Variants in CPLX1 observed in about 807,000 individuals in gnomAD.
The protein encoded by CPLX1 is complexin 1.
Under a neutral mutation model 15.6 loss-of-function variants are expected in CPLX1, and 6 were observed. The ratio of observed to expected loss-of-function variants is 0.39; its 90% CI spans 0.21 to 0.76. The LOEUF (loss-of-function observed/expected upper bound fraction) is 0.76. CPLX1 is among the 30% of genes least tolerant of loss of function. The pLI is 0.43. For missense variants in CPLX1, 242 were observed against 188.6 expected, an observed-to-expected ratio of 1.28 and a Z score of -1.66; for synonymous variants, 91 against 75.2, an observed-to-expected ratio of 1.21 and a Z score of -1.08.
chr4:788,212 C>A, intron 3 of CPLX1: 1 of 985,242 alleles, frequency 1.0e-6, no homozygotes, highest in South Asian at 4.7e-5. Flanking sequence ...TGCTGGGCAC[C>A]CCCTGGATCT....
intron 2 of CPLX1, among the ~76,000 whole-genome samples, chr4:799,180 C>T (rs1417140496): frequency 2.0e-5 from 3 of 152,212 alleles, no homozygotes; most frequent in Non-Finnish European, 4.4e-5. Flanking sequence ...CATAAGCCCT[C>T]ATTTCAGAAG....
intron 2 of CPLX1, among the ~76,000 whole-genome samples, chr4:797,854 C>G (rs183167940): frequency 6.6e-6 from 1 of 151,778 alleles, no homozygotes; most frequent in Non-Finnish European, 1.5e-5. Context: ...GGTGTGAACC[C>G]GGGAGGCGGA....
At chr4:804,843 G>C (rs1237779899) in intron 2 of CPLX1, 1 of 982,532 alleles carries the variant, frequency 1.0e-6, no homozygotes. Context: ...GGGGAGCGAC[G>C]TGCTCAGCCT....
rs1295937050 is a variant in CPLX1, at chr4:791,224, C to T, written c.207+1209G>A. ...CGGAGGGGTGGGCTGGAGGCTTGAG[C>T]CAGCACAGCAAAGTCGATCAACAGG... On this transcript the variant is annotated intron_variant, in intron 3 of 3. Coordinates refer to ENST00000304062, the MANE Select transcript of CPLX1 (RefSeq NM_006651.4). Among the ~76,000 whole-genome samples the T allele has an allele frequency of 2.6e-5, 4 of 151,234 alleles. No homozygotes were observed. The East Asian group carries it at 7.8e-4, about 30-fold the overall frequency.
At chr4:789,718 G>GC (rs559423450) in intron 3 of CPLX1, among the ~76,000 whole-genome samples, 89 of 152,314 alleles carry the variant, frequency 5.8e-4, no homozygotes, top group African/African-American at 2.1e-3. Context: ...AGGTGCAGGC[G>GC]CGCTGCTCCT....
At chr4:817,291 C>T (rs1361224271) in intron 2 of CPLX1, among the ~76,000 whole-genome samples, 10 of 150,148 alleles carry the variant, frequency 6.7e-5, no homozygotes, top group Non-Finnish European at 4.4e-5. Flanking sequence ...CAGTGGCTCA[C>T]GCCTGTAATC....
intron 1 of CPLX1, 153 bp from the exon 2 acceptor site, chr4:824,754 T>A (rs997402682): frequency 1.4e-6 from 1 of 691,408 alleles, no homozygotes; most frequent in Non-Finnish European, 2.6e-6. Flanking sequence ...GGGGCTTCTG[T>A]CCCCACACCC....
At chr4:788,642 C>T (rs1746074406) in intron 3 of CPLX1, 1 of 968,206 alleles carries the variant, frequency 1.0e-6, no homozygotes, top group African/African-American at 1.8e-5. Flanking sequence ...CCTAGCCATC[C>T]ACAGCGGGAA....
chr4:811,780 T>A (rs1179988381), intron 2 of CPLX1, among the ~76,000 whole-genome samples: 1 of 152,232 alleles, frequency 6.6e-6, no homozygotes, highest in Non-Finnish European at 1.5e-5. Flanking sequence ...CCTTCCTGCT[T>A]CTCTGTCCTT....
At chr4:819,240 A>G (rs924621066) in intron 2 of CPLX1, among the ~76,000 whole-genome samples, 4 of 152,254 alleles carry the variant, frequency 2.6e-5, no homozygotes, top group Admixed American at 2.6e-4. Context: ...TTGTCAGTTG[A>G]AGTGCATAAT....
intron 3 of CPLX1, among the ~76,000 whole-genome samples, chr4:790,732 C>A (rs1166920602): frequency 1.3e-5 from 2 of 152,106 alleles, no homozygotes; most frequent in African/African-American, 4.8e-5. Flanking sequence ...CCCTCCCAGA[C>A]CCCAGCCCAC....
intron 1 of CPLX1, 184 bp from the exon 2 acceptor site, chr4:824,785 C>G (rs1746943455): frequency 1.2e-5 from 8 of 677,010 alleles, no homozygotes; most frequent in Non-Finnish European, 2.2e-5. Flanking sequence ...CCCAGAGGAC[C>G]TGAAAATGGT....
chr4:794,996 T>G (rs1283772603), intron 2 of CPLX1, among the ~76,000 whole-genome samples: 1 of 152,204 alleles, frequency 6.6e-6, no homozygotes, highest in Non-Finnish European at 1.5e-5. Flanking sequence ...CCTGGGCTGG[T>G]CCAGGCGCCA....
At chr4:789,259 C>T (rs2152641899) in intron 3 of CPLX1, among the ~76,000 whole-genome samples, 1 of 152,256 alleles carries the variant, frequency 6.6e-6, no homozygotes, top group Non-Finnish European at 1.5e-5. Context: ...ACACCCAGCC[C>T]CAGGCCCACC....
At chr4:795,850 G>A (rs1239207448) in intron 2 of CPLX1, among the ~76,000 whole-genome samples, 1 of 151,980 alleles carries the variant, frequency 6.6e-6, no homozygotes, top group Non-Finnish European at 1.5e-5. Flanking sequence ...CTCTGGCCCT[G>A]CTGAGACTCC....
intron 3 of CPLX1, among the ~76,000 whole-genome samples, chr4:790,899 C>T (rs976188080): frequency 1.3e-5 from 2 of 151,570 alleles, no homozygotes; most frequent in African/African-American, 4.9e-5. Context: ...TGTCTCTCCT[C>T]TCTTTGTCTC....
chr4:805,817 T>C (rs1276901429), intron 2 of CPLX1, among the ~76,000 whole-genome samples: 1 of 152,160 alleles, frequency 6.6e-6, no homozygotes, highest in Non-Finnish European at 1.5e-5. Flanking sequence ...GGATGAACCT[T>C]GAGGACACTA....
chr4:797,154 G>A (rs745811322), intron 2 of CPLX1, among the ~76,000 whole-genome samples: 12 of 152,220 alleles, frequency 7.9e-5, no homozygotes, highest in Non-Finnish European at 1.3e-4. Context: ...GAAAAACACA[G>A]TCCTTGCCAC....
chr4:791,060 CG>C (rs1000331103), intron 3 of CPLX1, among the ~76,000 whole-genome samples: 4 of 152,220 alleles, frequency 2.6e-5, no homozygotes, highest in African/African-American at 4.8e-5. Flanking sequence ...CTCCTGTCCC[CG>C]TCTCCCGCTC....
Sources: gnomAD v4.1 joint callset for allele counts (sites outside exome capture counted in the v4.1 genomes callset) on GRCh38, gnomAD v4.1.1 for gene constraint, MANE v1.5 for transcripts, NCBI Gene and HGNC (gene_info 2026-07-23, HGNC 2026-07-21) for gene names.